The following HDAC8 variants were observed in gnomAD, a reference collection of about 807,000 sequenced individuals.
The protein encoded by HDAC8 is histone deacetylase 8.
Under a neutral mutation model 32.2 loss-of-function variants are expected in HDAC8, and 1 was observed. The observed-to-expected ratio is 0.03, with a 90% CI of 0.01 to 0.15. The LOEUF (loss-of-function observed/expected upper bound fraction) is 0.15. HDAC8 is among the 10% of genes least tolerant of loss of function. HDAC8 has a pLI of 1.00. For synonymous variants in HDAC8, 108 were observed against 113.9 expected, an observed-to-expected ratio of 0.95 and a Z score of 0.33; for missense variants, 117 against 300.0, an observed-to-expected ratio of 0.39 and a Z score of 4.51.
chrX:72,513,681 TGAA>T (rs1202225983), intron 4 of HDAC8, among the ~76,000 whole-genome samples: 7 of 111,219 alleles, frequency 6.3e-5, no homozygotes, highest in African/African-American at 1.6e-4. Flanking sequence ...GCCTAGAGAA[TGAA>T]GAAGAATATT....
intron 9 of HDAC8, among the ~76,000 whole-genome samples, chrX:72,425,038 C>T (rs781967387): frequency 1.8e-5 from 2 of 111,609 alleles, no homozygotes; most frequent in Admixed American, 1.9e-4. Context: ...TATACCAGTA[C>T]CCACTTTTGA....
At chrX:72,378,250 G>T (rs1187080426) in intron 9 of HDAC8, among the ~76,000 whole-genome samples, 2 of 111,554 alleles carry the variant, frequency 1.8e-5, no homozygotes, top group Non-Finnish European at 3.8e-5. Flanking sequence ...CATGAGAGAA[G>T]ATTCCTCATG....
chrX:72,494,859 G>A (rs1556011993), intron 5 of HDAC8, among the ~76,000 whole-genome samples: 1 of 111,398 alleles, frequency 9.0e-6, no homozygotes, highest in African/African-American at 3.3e-5. Context: ...GAAATGACCT[G>A]AGGGAGGTTA....
At chrX:72,553,612 T>C (rs145491575) in intron 4 of HDAC8, among the ~76,000 whole-genome samples, 38 of 111,818 alleles carry the variant, frequency 3.4e-4, no homozygotes, top group Non-Finnish European at 1.3e-4. Flanking sequence ...AAAATATATA[T>C]ACAATCCCTT....
intron 4 of HDAC8, among the ~76,000 whole-genome samples, chrX:72,532,375 T>G (rs1015262853): frequency 9.3e-6 from 1 of 107,185 alleles, no homozygotes; most frequent in Non-Finnish European, 1.9e-5. Context: ...ATTACAGGCG[T>G]AAGCCATTGC....
chrX:72,330,041 C>A lies in HDAC8; in HGVS notation c.*13G>T, dbSNP rs182197029. ...CACTCCTCAGCTCTGGAAACCTGATCTCTTTCTGTCAACTAGACCACATGC... is the reference window on the plus strand; with the variant it reads ...CACTCCTCAGCTCTGGAAACCTGATATCTTTCTGTCAACTAGACCACATGC... On this transcript the variant is annotated 3_prime_UTR_variant, in exon 11 of 11. Transcript: ENST00000373573. 149 of 1,201,519 alleles carry A rather than the reference C, an allele frequency of 1.2e-4. No homozygotes were observed. In the East Asian group the frequency reaches 3.9e-3, roughly 31 times the overall value.
chrX:72,382,057 G>A (rs2045280301), intron 9 of HDAC8, among the ~76,000 whole-genome samples: 1 of 112,398 alleles, frequency 8.9e-6, no homozygotes, highest in African/African-American at 3.2e-5. Flanking sequence ...ATTGGATTCT[G>A]AGCTAGTTTC....
At chrX:72,433,984 G>T (rs2046886665) in intron 9 of HDAC8, among the ~76,000 whole-genome samples, 2 of 112,640 alleles carry the variant, frequency 1.8e-5, no homozygotes, top group South Asian at 7.3e-4. Flanking sequence ...ATTTTTGTGA[G>T]AATTGAATAC....
At chrX:72,494,035 C>T (rs868976023) in intron 5 of HDAC8, among the ~76,000 whole-genome samples, 1 of 111,854 alleles carries the variant, frequency 8.9e-6, no homozygotes, top group Non-Finnish European at 1.9e-5. Flanking sequence ...CATACAAAAA[C>T]AAGCCATAGG....
chrX:72,552,514 G>A (rs2051111867), intron 4 of HDAC8, among the ~76,000 whole-genome samples: 2 of 110,577 alleles, frequency 1.8e-5, no homozygotes, highest in African/African-American at 6.6e-5. Context: ...GGGAGGCTGA[G>A]GCGGCAGGAG....
intron 4 of HDAC8, among the ~76,000 whole-genome samples, chrX:72,499,254 A>G (rs1556014835): frequency 1.8e-5 from 2 of 112,037 alleles, no homozygotes; most frequent in African/African-American, 3.2e-5. Flanking sequence ...AGGGCTAATC[A>G]TTATGTATAT....
intron 9 of HDAC8, among the ~76,000 whole-genome samples, chrX:72,375,048 T>A (rs2045018954): frequency 9.0e-6 from 1 of 111,572 alleles, no homozygotes; most frequent in Non-Finnish European, 1.9e-5. Context: ...TCAATTGAAC[T>A]CCTGGGCTCA....
intron 9 of HDAC8, among the ~76,000 whole-genome samples, chrX:72,376,642 C>T (rs1283596690): frequency 9.0e-6 from 1 of 111,379 alleles, no homozygotes; most frequent in Non-Finnish European, 1.9e-5. Context: ...TGGTCTTGAA[C>T]TCCTGACTTC....
Position 72,571,082 on chromosome X carries a change from G to A in HDAC8, c.164+975C>T, listed in dbSNP as rs781901565. On this transcript the variant is annotated intron_variant, in intron 2 of 10. Coordinates refer to ENST00000373573, the MANE Select transcript of HDAC8 (RefSeq NM_018486.3). Reference sequence around the variant, plus strand: ...TGGGACTACAGGCGCCTGCCACCACGCCCGGCTAATTTTTTGTATTTTTAG... The same window carrying A: ...TGGGACTACAGGCGCCTGCCACCACACCCGGCTAATTTTTTGTATTTTTAG... Among the ~76,000 whole-genome samples the A allele has an allele frequency of 3.8e-3, 427 of 111,211 alleles. 3 individuals carry two copies. Among genetic ancestry groups the A allele is most frequent in the African/African-American group, 0.013 (412 of 30,605 alleles).
At chrX:72,466,014 T>C (rs1424040276) in intron 7 of HDAC8, among the ~76,000 whole-genome samples, 1 of 111,844 alleles carries the variant, frequency 8.9e-6, no homozygotes, top group African/African-American at 3.3e-5. Context: ...CAAGGATACT[T>C]GGGCCTATTC....
intron 9 of HDAC8, among the ~76,000 whole-genome samples, chrX:72,436,964 T>C (rs188763916): frequency 1.8e-5 from 2 of 112,039 alleles, no homozygotes; most frequent in Non-Finnish European, 3.8e-5. Flanking sequence ...ATACTATAGA[T>C]AAATAAAAAA....
chrX:72,383,890 A>G (rs1453980953), intron 9 of HDAC8, among the ~76,000 whole-genome samples: 5 of 108,914 alleles, frequency 4.6e-5, no homozygotes, highest in African/African-American at 1.7e-4. Flanking sequence ...AAAAAAAAAA[A>G]AGAGGTAGCC....
chrX:72,454,078 T>C (rs932598383), intron 9 of HDAC8, among the ~76,000 whole-genome samples: 1 of 91,733 alleles, frequency 1.1e-5, no homozygotes, highest in Non-Finnish European at 2.3e-5. Flanking sequence ...TTGTGCCAGA[T>C]GGAAACCTGG....
intron 9 of HDAC8, among the ~76,000 whole-genome samples, chrX:72,413,625 G>A (rs913294487): frequency 9.0e-6 from 1 of 110,872 alleles, no homozygotes; most frequent in Admixed American, 9.6e-5. Context: ...CTGGTGGGAG[G>A]TAATTGAATC....
Sources: gnomAD v4.1 joint callset for allele counts (sites outside exome capture counted in the v4.1 genomes callset) on GRCh38, gnomAD v4.1.1 for gene constraint, MANE v1.5 for transcripts, NCBI Gene and HGNC (gene_info 2026-07-23, HGNC 2026-07-21) for gene names.